Variants in UBE2E2 observed in about 807,000 individuals in gnomAD.
UBE2E2 encodes ubiquitin-conjugating enzyme E2 E2.
UBE2E2 carries 6 observed loss-of-function variants against 24.7 expected under a neutral mutation model. That is an observed-to-expected ratio of 0.24 (90% confidence interval 0.13 to 0.48). UBE2E2 has a LOEUF of 0.48. UBE2E2 is among the 20% of genes least tolerant of loss of function. The pLI is 0.99. For synonymous variants in UBE2E2, 104 were observed against 83.6 expected, an observed-to-expected ratio of 1.24 and a Z score of -1.33; for missense variants, 169 against 245.0, an observed-to-expected ratio of 0.69 and a Z score of 2.07.
intron 2 of UBE2E2, 120 bp from the exon 3 acceptor site, chr3:23,217,142 T>C (rs1409566654): frequency 2.3e-5 from 21 of 925,416 alleles, no homozygotes; most frequent in Non-Finnish European, 3.3e-5. Flanking sequence ...CTTTATACAG[T>C]ATTAGTATTT....
intron 3 of UBE2E2, among the ~76,000 whole-genome samples, chr3:23,414,221 C>T (rs1697567070): frequency 6.6e-6 from 1 of 152,034 alleles, no homozygotes; most frequent in Non-Finnish European, 1.5e-5. Context: ...TACAGAGAAC[C>T]ATATTGGTCC....
At position 23,239,176 on chromosome 3, in the gene UBE2E2, A is replaced by G. The variant is rs142451923; in HGVS notation, c.227+21864A>G. ...CCTCATTCTCAACCTCAGTTATGAT[A>G]CCGTAATATAGTGATCAATTATGGA... On this transcript the variant is annotated intron_variant, in intron 3 of 5. Coordinates refer to ENST00000396703, the MANE Select transcript of UBE2E2 (RefSeq NM_152653.4). Among the ~76,000 whole-genome samples the G allele has an allele frequency of 2.3e-3, 344 of 152,256 alleles. 3 individuals carry two copies. Among genetic ancestry groups the G allele is most frequent in the African/African-American group, 7.9e-3 (328 of 41,542 alleles).
chr3:23,351,360 T>G (rs1442371162), intron 3 of UBE2E2, among the ~76,000 whole-genome samples: 1 of 152,174 alleles, frequency 6.6e-6, no homozygotes. Context: ...AACATCATAA[T>G]GACGGGATCA....
At chr3:23,261,799 T>C (rs1216787508) in intron 3 of UBE2E2, among the ~76,000 whole-genome samples, 2 of 152,218 alleles carry the variant, frequency 1.3e-5, no homozygotes, top group Non-Finnish European at 2.9e-5. Context: ...AGGATTTCCT[T>C]CCTTTTTTAA....
At chr3:23,336,047 GC>G (rs1204295541) in intron 3 of UBE2E2, among the ~76,000 whole-genome samples, 2 of 152,200 alleles carry the variant, frequency 1.3e-5, no homozygotes, top group Admixed American at 6.5e-5. Flanking sequence ...TATGATACCT[GC>G]TGTGCTCTTG....
intron 3 of UBE2E2, among the ~76,000 whole-genome samples, chr3:23,393,823 T>G (rs1420323665): frequency 2.0e-5 from 3 of 152,196 alleles, no homozygotes; most frequent in Non-Finnish European, 4.4e-5. Flanking sequence ...GAAAATGATA[T>G]GAAATTCACA....
At chr3:23,539,649 A>G (rs1458386189) in intron 5 of UBE2E2, among the ~76,000 whole-genome samples, 2 of 152,162 alleles carry the variant, frequency 1.3e-5, no homozygotes, top group African/African-American at 2.4e-5. Flanking sequence ...TAGGAAGGTA[A>G]ATCCCTTAGA....
chr3:23,580,529 C>T (rs1430261145), intron 5 of UBE2E2, among the ~76,000 whole-genome samples: 1 of 152,212 alleles, frequency 6.6e-6, no homozygotes, highest in African/African-American at 2.4e-5. Context: ...TATAAACACG[C>T]ACTGGGAAAC....
At chr3:23,380,612 G>C (rs966485643) in intron 3 of UBE2E2, among the ~76,000 whole-genome samples, 1 of 152,094 alleles carries the variant, frequency 6.6e-6, no homozygotes, top group Non-Finnish European at 1.5e-5. Flanking sequence ...AATCTTCCTG[G>C]GAATTGATTT....
intron 3 of UBE2E2, among the ~76,000 whole-genome samples, chr3:23,255,524 G>A (rs937959848): frequency 1.2e-4 from 19 of 152,268 alleles, no homozygotes; most frequent in African/African-American, 4.1e-4. Context: ...CAAACATTTA[G>A]GGATTTAGTG....
intron 3 of UBE2E2, among the ~76,000 whole-genome samples, chr3:23,478,272 C>T (rs917592178): frequency 7.9e-5 from 12 of 152,194 alleles, no homozygotes; most frequent in Admixed American, 4.6e-4. Context: ...GACTCCTAGA[C>T]TGTAAAAGAC....
intron 3 of UBE2E2, among the ~76,000 whole-genome samples, chr3:23,239,953 A>G (rs1049649077): frequency 2.0e-5 from 3 of 152,152 alleles, no homozygotes; most frequent in African/African-American, 7.2e-5. Flanking sequence ...TTCTGTTTCT[A>G]CCTAGTTTCA....
At chr3:23,499,817 A>G in intron 4 of UBE2E2, 77 bp downstream of exon 4, 1 of 1,486,184 alleles carries the variant, frequency 6.7e-7, no homozygotes, top group African/African-American at 1.4e-5. Context: ...TTAAATATGC[A>G]TTCTAGGGAT....
chr3:23,437,640 G>A (rs981743880), intron 3 of UBE2E2, among the ~76,000 whole-genome samples: 1 of 152,180 alleles, frequency 6.6e-6, no homozygotes, highest in African/African-American at 2.4e-5. Flanking sequence ...GAATCACCAT[G>A]AACACTTTCC....
intron 3 of UBE2E2, among the ~76,000 whole-genome samples, chr3:23,336,380 A>T (rs377070795): frequency 1.3e-5 from 2 of 152,234 alleles, no homozygotes; most frequent in Non-Finnish European, 2.9e-5. Context: ...AATCTTTCCC[A>T]TATTTCCTAT....
intron 3 of UBE2E2, among the ~76,000 whole-genome samples, chr3:23,342,942 G>A (rs555896749): frequency 6.6e-6 from 1 of 151,976 alleles, no homozygotes; most frequent in East Asian, 1.9e-4. Context: ...ATACTTTTTT[G>A]GGGGTGGGGA....
intron 3 of UBE2E2, among the ~76,000 whole-genome samples, chr3:23,419,218 C>G (rs549080882): frequency 3.3e-5 from 5 of 152,226 alleles, no homozygotes; most frequent in Admixed American, 2.6e-4. Context: ...GTTATCCTGC[C>G]TTGACATCCC....
chr3:23,429,490 T>G (rs1279483592), intron 3 of UBE2E2, among the ~76,000 whole-genome samples: 1 of 152,204 alleles, frequency 6.6e-6, no homozygotes, highest in African/African-American at 2.4e-5. Flanking sequence ...ATTCAAAATT[T>G]AATTAATATA....
At chr3:23,282,879 G>C (rs1279083603) in intron 3 of UBE2E2, among the ~76,000 whole-genome samples, 1 of 151,986 alleles carries the variant, frequency 6.6e-6, no homozygotes, top group African/African-American at 2.4e-5. Context: ...TAGAGAAAAG[G>C]CTTAGGTCAG....
Sources: gnomAD v4.1 joint callset for allele counts (sites outside exome capture counted in the v4.1 genomes callset) on GRCh38, gnomAD v4.1.1 for gene constraint, MANE v1.5 for transcripts, NCBI Gene and HGNC (gene_info 2026-07-23, HGNC 2026-07-21) for gene names.